Variants in NBEA observed in about 807,000 individuals in gnomAD.
NBEA encodes lysosomal-trafficking regulator 2.
A neutral mutation model predicts 343.4 loss-of-function variants in NBEA; 44 were observed. The observed-to-expected ratio is 0.13, with a 90% CI of 0.10 to 0.16. The LOEUF is 0.16. NBEA is among the 10% of genes least tolerant of loss of function. The pLI, the probability that NBEA is intolerant of heterozygous loss-of-function variation, is 1.00. For synonymous variants in NBEA, 1,175 were observed against 1,238.7 expected (o/e 0.95, Z 1.08); for missense variants, 2,555 against 3,631.3 (o/e 0.70, Z 7.62).
At chr13:35,667,156 G>T (rs1259010539) in intron 56 of NBEA, among the ~76,000 whole-genome samples, 2 of 152,196 alleles carry the variant, frequency 1.3e-5, no homozygotes, top group African/African-American at 4.8e-5. Flanking sequence ...TATCTACCTG[G>T]TGAAGAAGCG....
intron 40 of NBEA, among the ~76,000 whole-genome samples, chr13:35,461,004 A>G (rs900534301): frequency 6.6e-6 from 1 of 152,124 alleles, no homozygotes; most frequent in Admixed American, 6.5e-5. Context: ...TTTTCTTCTT[A>G]TAAAGTCACC....
At chr13:35,144,439 A>G (rs1439320849) in intron 18 of NBEA, among the ~76,000 whole-genome samples, 1 of 152,156 alleles carries the variant, frequency 6.6e-6, no homozygotes, top group South Asian at 2.1e-4. Context: ...CATCAAATCC[A>G]GTGCCATACT....
chr13:35,047,817 A>T (rs200617810), intron 4 of NBEA, among the ~76,000 whole-genome samples: 1 of 140,396 alleles, frequency 7.1e-6, no homozygotes, highest in African/African-American at 2.7e-5. Context: ...CTATTTGAGG[A>T]TATCTTTTAT....
intron 1 of NBEA, among the ~76,000 whole-genome samples, chr13:34,966,611 C>T (rs2059827039): frequency 6.7e-6 from 1 of 148,782 alleles, no homozygotes; most frequent in Admixed American, 6.7e-5. Flanking sequence ...TTACATATCT[C>T]TGAGCCTGTG....
intron 49 of NBEA, 148 bp from the exon 50 acceptor site, chr13:35,645,721 A>G (rs1299832487): frequency 2.2e-6 from 1 of 446,842 alleles, no homozygotes; most frequent in African/African-American, 2.1e-5. Flanking sequence ...TTTTTGTAAC[A>G]AAAGTTTTGT....
At chr13:35,490,481 AC>A (rs2076460664) in intron 41 of NBEA, among the ~76,000 whole-genome samples, 1 of 151,930 alleles carries the variant, frequency 6.6e-6, no homozygotes, top group South Asian at 2.1e-4. Flanking sequence ...ATTACAGGAT[AC>A]CTAATCCAGC....
At chr13:35,605,333 A>G (rs1357264379) in intron 47 of NBEA, among the ~76,000 whole-genome samples, 1 of 152,156 alleles carries the variant, frequency 6.6e-6, no homozygotes, top group Admixed American at 6.5e-5. Context: ...CAGATATATC[A>G]GTTTTAGTGG....
intron 1 of NBEA, among the ~76,000 whole-genome samples, chr13:34,976,203 A>G (rs1483333437): frequency 6.6e-6 from 1 of 152,218 alleles, no homozygotes; most frequent in Admixed American, 6.5e-5. Flanking sequence ...AGTGGATGAA[A>G]AAAATGTGGT....
intron 1 of NBEA, among the ~76,000 whole-genome samples, chr13:35,029,470 A>G (rs2062129724): frequency 6.6e-6 from 1 of 151,656 alleles, no homozygotes; most frequent in Non-Finnish European, 1.5e-5. Flanking sequence ...ATGGTATTGT[A>G]GAAACTTTCC....
chr13:35,491,980 A>G (rs1189596254), intron 41 of NBEA, among the ~76,000 whole-genome samples: 2 of 152,026 alleles, frequency 1.3e-5, no homozygotes, highest in Non-Finnish European at 2.9e-5. Flanking sequence ...AATTGTAGAG[A>G]CAGAAGCAGA....
chr13:35,026,755 AAC>A (rs938545302), intron 1 of NBEA, among the ~76,000 whole-genome samples: 1 of 152,154 alleles, frequency 6.6e-6, no homozygotes, highest in Non-Finnish European at 1.5e-5. Context: ...AATCAAAAGA[AAC>A]ACATAAAATT....
At chr13:35,162,455 G>C (rs746012255) in intron 23 of NBEA, among the ~76,000 whole-genome samples, 4 of 151,990 alleles carry the variant, frequency 2.6e-5, no homozygotes, top group African/African-American at 9.7e-5. Flanking sequence ...TTTCCTTTTA[G>C]GATTCAAGGT....
intron 41 of NBEA, among the ~76,000 whole-genome samples, chr13:35,481,943 A>G (rs1019774793): frequency 4.0e-5 from 6 of 151,814 alleles, no homozygotes; most frequent in Non-Finnish European, 7.4e-5. Context: ...TAATCCCTAC[A>G]TCTGTACTAG....
chr13:34,971,576 T>A (rs1254950189), intron 1 of NBEA, among the ~76,000 whole-genome samples: 1 of 152,200 alleles, frequency 6.6e-6, no homozygotes, highest in Admixed American at 6.5e-5. Context: ...ATGTTGAATT[T>A]TATTGAAAGC....
At chr13:35,664,074 A>C (rs1029430138) in intron 55 of NBEA, among the ~76,000 whole-genome samples, 1 of 152,150 alleles carries the variant, frequency 6.6e-6, no homozygotes, top group Non-Finnish European at 1.5e-5. Flanking sequence ...GTGATTATGC[A>C]CTTTCCTCAT....
At chr13:35,665,306 A>T in intron 56 of NBEA, 120 bp downstream of exon 56, 1 of 702,924 alleles carries the variant, frequency 1.4e-6, no homozygotes, top group Non-Finnish European at 2.4e-6. Flanking sequence ...TCCCAAAGTT[A>T]TTTGTAGATG....
chr13:35,100,371 A>G (rs1261920598), intron 11 of NBEA, among the ~76,000 whole-genome samples: 1 of 152,054 alleles, frequency 6.6e-6, no homozygotes, highest in Admixed American at 6.5e-5. Flanking sequence ...GATTTTTTCC[A>G]TAACATTATT....
rs766453353 is a variant in NBEA, at chr13:35,110,994, C to G, written c.2002+16C>G. On this transcript the variant is annotated intron_variant, in intron 13 of 58. Transcript: ENST00000379939. Reference sequence around the variant, plus strand: ...AAAGGATTAGGTATGTATACCACTTCCACTGTATTTACATTTGCCTATGAT... The same window carrying G: ...AAAGGATTAGGTATGTATACCACTTGCACTGTATTTACATTTGCCTATGAT... 2.5e-6 allele frequency: 4 copies of G among 1,578,682 alleles called. No homozygotes were observed. Among genetic ancestry groups the G allele is most frequent in the Non-Finnish European group, 2.6e-6 (3 of 1,153,792 alleles).
At chr13:35,138,087 A>C (rs2067844972) in intron 17 of NBEA, among the ~76,000 whole-genome samples, 2 of 152,184 alleles carry the variant, frequency 1.3e-5, no homozygotes, top group African/African-American at 4.8e-5. Context: ...AGTATCAGGA[A>C]GTTCTTGGAA....
Sources: allele counts gnomAD v4.1 joint callset (sites outside exome capture counted in the v4.1 genomes callset), GRCh38; gene constraint gnomAD v4.1.1; transcripts MANE v1.5; gene names NCBI Gene and HGNC (gene_info 2026-07-23, HGNC 2026-07-21).